ADGRG4: variants seen among roughly 807,000 people sequenced by gnomAD.
The protein encoded by ADGRG4 is adhesion G protein-coupled receptor G4, also known as G protein-coupled receptor 112.
ADGRG4 carries 122 observed loss-of-function variants against 126.2 expected under a neutral mutation model. The ratio of observed to expected loss-of-function variants is 0.97; its 90% CI spans 0.83 to 1.12. The LOEUF (loss-of-function observed/expected upper bound fraction) is 1.12. ADGRG4 is among the 50% of genes most tolerant of loss of function. ADGRG4 has a pLI of 0.00. For missense variants in ADGRG4, 2,481 were observed against 2,251.8 expected, an observed-to-expected ratio of 1.10 and a Z score of -2.06; for synonymous variants, 943 against 838.7, an observed-to-expected ratio of 1.12 and a Z score of -2.15.
rs566059128 is a variant in ADGRG4 at position 136,415,947 on chromosome X, C to A, written c.9206-507C>A. ...GAACTGAGCCAGTGGGGCAGGTAGA[C>A]CTGCCACAGGTTCTAAAACTGAAAT... is the stretch of plus-strand genomic sequence containing the variant. On this transcript the variant is annotated intron_variant, in intron 25 of 25. Coordinates refer to ENST00000394143, the MANE Select transcript of ADGRG4 (RefSeq NM_153834.4). Among the ~76,000 whole-genome samples the A allele has an allele frequency of 3.3e-3, 372 of 111,874 alleles. 1 individual carries two copies. The highest frequency in any genetic ancestry group is 0.011 in the African/African-American group (342 of 30,786).
At chrX:136,332,058 G>C (rs755447015) in intron 5 of ADGRG4, among the ~76,000 whole-genome samples, 1 of 107,945 alleles carries the variant, frequency 9.3e-6, no homozygotes, top group African/African-American at 3.4e-5. Flanking sequence ...ACATTGTGCA[G>C]GTTAGTTACA....
intron 17 of ADGRG4, among the ~76,000 whole-genome samples, chrX:136,392,715 C>T (rs1569336114): frequency 1.8e-5 from 2 of 111,944 alleles, no homozygotes; most frequent in Admixed American, 9.5e-5. Context: ...AACATTAAAA[C>T]GTGTATGAAT....
At position 136,416,436 on chromosome X, in the gene ADGRG4, T is replaced by A; in HGVS notation, c.9206-18T>A. 8.4e-7 allele frequency: 1 copy of A among 1,192,657 alleles called. No homozygotes were observed. Among genetic ancestry groups the A allele is most frequent in the Non-Finnish European group, 1.1e-6 (1 of 883,239 alleles). On this transcript the variant is annotated intron_variant, in intron 25 of 25. Coordinates refer to ENST00000394143, the MANE Select transcript of ADGRG4 (RefSeq NM_153834.4). ...CCTGATGCCGCAGCTGAAAATTTTC[T>A]TTTTTTCTTTACTGCAGATGACTTT...
chrX:136,318,400 G>A (rs1237977665), intron 4 of ADGRG4, among the ~76,000 whole-genome samples: 1 of 112,048 alleles, frequency 8.9e-6, no homozygotes, highest in East Asian at 2.8e-4. Flanking sequence ...GAGAGTGAGT[G>A]CTTAATGGGT....
intron 4 of ADGRG4, among the ~76,000 whole-genome samples, chrX:136,316,634 A>AT (rs2074806512): frequency 9.1e-6 from 1 of 110,188 alleles, no homozygotes; most frequent in Admixed American, 9.7e-5. Flanking sequence ...CGCCTGGCTA[A>AT]TTTTTTTATT....
rs777944782 is a variant in ADGRG4 at position 136,322,886 on chromosome X, A to T, written c.179A>T (p.Asp60Val). The T allele has an allele frequency of 2.5e-6, 3 of 1,210,105 alleles. No homozygotes were observed. The highest frequency in any genetic ancestry group is 4.4e-5 in the Admixed American group (2 of 45,765). ...CTCAGCCGATTCACAGCATGCATTGATCTGGTATTCATGGATGACAACTCA... is the reference window on the plus strand; with the variant it reads ...CTCAGCCGATTCACAGCATGCATTGTTCTGGTATTCATGGATGACAACTCA... ...PELSRFTACIDLVFMDDNSRY... is the reference protein window; with the variant it reads ...PELSRFTACIVLVFMDDNSRY... The change falls in exon 5 of 26, where the codon GAT becomes GTT. Residue 60 changes from aspartate (D) to valine (V), a missense_variant. Transcript: ENST00000394143.
rs1050003187 is a variant in ADGRG4, at chrX:136,390,225, A to G, written c.7912-2007A>G. 1.8e-5 allele frequency among the ~76,000 whole-genome samples: 2 copies of G among 110,292 alleles called. 1 individual carries two copies. The highest frequency in any genetic ancestry group is 5.7e-4 in the East Asian group (2 of 3,532). On this transcript the variant is annotated intron_variant, in intron 16 of 25. Transcript: ENST00000394143. ...ACCACTGTGCCTGGTTAATTTTCAT[A>G]TTTTTTTGTAGAGATGGGGTCTCAC...
intron 5 of ADGRG4, among the ~76,000 whole-genome samples, chrX:136,323,622 T>C (rs1452570698): frequency 9.4e-6 from 1 of 106,003 alleles, no homozygotes; most frequent in Non-Finnish European, 1.9e-5. Context: ...ACACCACTTA[T>C]TTGTTTCTAA....
chrX:136,348,551 T>G lies in ADGRG4; in HGVS notation c.4845T>G (p.Tyr1615Ter). The change falls in exon 6 of 26, where the codon TAT becomes TAG. Residue 1615 changes from tyrosine (Y) to a stop codon, truncating the protein, a stop_gained. Transcript: ENST00000394143. LOFTEE classifies it high-confidence loss of function. ...TSTLDVTPVI[Y>*]AGATSKNKMV... ...CATTGGATGTCACACCTGTGATATATGCTGGGGCTACTTCAAAAAACAAAA... is the reference window on the plus strand; with the variant it reads ...CATTGGATGTCACACCTGTGATATAGGCTGGGGCTACTTCAAAAAACAAAA... The G allele has an allele frequency of 8.3e-7, 1 of 1,209,035 alleles. No homozygotes were observed.
At chrX:136,301,329 G>A (rs1357095142) in intron 1 of ADGRG4, among the ~76,000 whole-genome samples, 1 of 112,408 alleles carries the variant, frequency 8.9e-6, no homozygotes, top group Non-Finnish European at 1.9e-5. Flanking sequence ...GCATTTCTCT[G>A]ATGGCCAGTG....
chrX:136,400,994 A>G (rs994240912), intron 21 of ADGRG4, among the ~76,000 whole-genome samples: 2 of 111,849 alleles, frequency 1.8e-5, no homozygotes, highest in Non-Finnish European at 3.8e-5. Context: ...ATAGGAACAC[A>G]GATTTTATCT....
intron 8 of ADGRG4, among the ~76,000 whole-genome samples, chrX:136,354,239 A>C (rs1015272254): frequency 8.9e-6 from 1 of 111,804 alleles, no homozygotes; most frequent in Non-Finnish European, 1.9e-5. Flanking sequence ...GTTTTGAGTT[A>C]CTATAACAAA....
Position 136,323,609 on chromosome X carries a change from C to CAA in ADGRG4, c.685+218_685+219insAA, listed in dbSNP as rs781676137. 3.1e-3 allele frequency among the ~76,000 whole-genome samples: 341 copies of CAA among 109,980 alleles called. 1 individual carries two copies. Among genetic ancestry groups the CAA allele is most frequent in the Admixed American group, 6.5e-3 (67 of 10,266 alleles). On this transcript the variant is annotated intron_variant, in intron 5 of 25. Coordinates refer to ENST00000394143, the MANE Select transcript of ADGRG4 (RefSeq NM_153834.4). ...ACACACACACACACACACACACACACACACACCACTTATTTGTTTCTAAGT... is the reference window on the plus strand; with the variant it reads ...ACACACACACACACACACACACACACAAACACACCACTTATTTGTTTCTAAGT...
chrX:136,341,362 G>A (rs973167361), intron 5 of ADGRG4, among the ~76,000 whole-genome samples: 20 of 112,333 alleles, frequency 1.8e-4, no homozygotes, highest in African/African-American at 5.2e-4. Flanking sequence ...AAAGGAGAGG[G>A]AATTGTGAAC....
At chrX:136,335,762 C>T (rs1189436240) in intron 5 of ADGRG4, among the ~76,000 whole-genome samples, 1 of 111,575 alleles carries the variant, frequency 9.0e-6, no homozygotes, top group East Asian at 2.8e-4. Flanking sequence ...TCTCTTTTTA[C>T]TTTTATCAGT....
At chrX:136,373,157 T>C in intron 15 of ADGRG4, 93 bp downstream of exon 15, 2 of 837,675 alleles carry the variant, frequency 2.4e-6, no homozygotes, top group South Asian at 5.7e-5. Context: ...GGCACTCCGT[T>C]ATGGTTTTAA....
intron 11 of ADGRG4, 71 bp from the exon 12 acceptor site, chrX:136,361,384 A>G (rs2075127566): frequency 2.4e-6 from 1 of 421,904 alleles, no homozygotes; most frequent in African/African-American, 2.7e-5. Flanking sequence ...TATAGTAATA[A>G]TAATAATGGA....
chrX:136,312,269 T>C (rs920295647), intron 4 of ADGRG4, among the ~76,000 whole-genome samples: 1 of 112,428 alleles, frequency 8.9e-6, no homozygotes, highest in South Asian at 3.7e-4. Context: ...CAGAAGGTTT[T>C]ATTAGACAGC....
chrX:136,362,530 A>G (rs1249572311), intron 12 of ADGRG4, among the ~76,000 whole-genome samples: 1 of 111,718 alleles, frequency 9.0e-6, no homozygotes, highest in East Asian at 2.8e-4. Flanking sequence ...ACATTGCCTC[A>G]AGAATTAAGT....
Sources: gnomAD v4.1 joint callset for allele counts (sites outside exome capture counted in the v4.1 genomes callset) on GRCh38, gnomAD v4.1.1 for gene constraint, MANE v1.5 for transcripts, NCBI Gene and HGNC (gene_info 2026-07-23, HGNC 2026-07-21) for gene names.